ZFP92: variants seen among roughly 807,000 people sequenced by gnomAD.
The protein encoded by ZFP92 is ZFP92 zinc finger protein.
A neutral mutation model predicts 7.6 loss-of-function variants in ZFP92; 2 were observed. The observed-to-expected ratio is 0.26, with a 90% CI of 0.11 to 0.83. The LOEUF is 0.83. ZFP92 is among the 40% of genes least tolerant of loss of function. The pLI is 0.65. For missense variants in ZFP92, 324 were observed against 408.3 expected (o/e 0.79, Z 1.78); for synonymous variants, 226 against 183.6 (o/e 1.23, Z -1.87).
Position 153,419,494 on chromosome X carries a change from G to C in ZFP92, c.160+695G>C, listed in dbSNP as rs1057332800. 2.7e-5 allele frequency among the ~76,000 whole-genome samples: 3 copies of C among 112,858 alleles called. No individual in the cohort carries two copies. In the Admixed American group the frequency reaches 2.8e-4, roughly 11 times the overall value. On this transcript the variant is annotated intron_variant, in intron 4 of 5. Transcript: ENST00000338647. ...TGACTTGCCCCCACCTCACGCAGCT[G>C]ATGAGAGATGCATGCGTGAAACAGA...
chrX:153,418,806 G>A lies in ZFP92; in HGVS notation c.160+7G>A. ...AGCCATTTGGTGTCACTGGGTAAGT[G>A]ATCCCTCCACGACATACACACACCC... is the stretch of plus-strand genomic sequence containing the variant. On this transcript the variant is annotated splice_region_variant and intron_variant, in intron 4 of 5. Coordinates refer to ENST00000338647, the MANE Select transcript of ZFP92 (RefSeq NM_001136273.2). 8.6e-7 allele frequency: 1 copy of A among 1,166,643 alleles called. No individual in the cohort carries two copies. The highest frequency in any genetic ancestry group is 1.1e-6 in the Non-Finnish European group (1 of 872,661).
rs1253393800 is a variant in ZFP92 at position 153,418,869 on chromosome X, C to T, written c.160+70C>T. ...TCTGTCTCTGGGCTCAGTTTATTTC[C>T]GAGATTCCTGTTTGTCGGTTGCTAT... On this transcript the variant is annotated intron_variant, in intron 4 of 5. Transcript: ENST00000338647. 9.9e-6 allele frequency: 11 copies of T among 1,110,055 alleles called. No homozygotes were observed. In the South Asian group the frequency reaches 1.5e-4, roughly 15 times the overall value. The allele number at this position is 1,110,055 out of a possible 1,213,427, so 91.5% of individuals were successfully genotyped here.
chrX:153,419,695 G>A (rs1381857249), intron 4 of ZFP92, among the ~76,000 whole-genome samples: 1 of 112,458 alleles, frequency 8.9e-6, no homozygotes, highest in Non-Finnish European at 1.9e-5. Flanking sequence ...GGTTGTGGGA[G>A]TCTGACTCCA....
At chrX:153,412,803 C>A (rs1382692303) in intron 2 of ZFP92, among the ~76,000 whole-genome samples, 1 of 111,538 alleles carries the variant, frequency 9.0e-6, no homozygotes, top group Non-Finnish European at 1.9e-5. Context: ...ACGGGCATCC[C>A]AGGGATAACT....
intron 2 of ZFP92, among the ~76,000 whole-genome samples, chrX:153,416,861 G>A (rs1389363785): frequency 1.8e-5 from 2 of 111,831 alleles, no homozygotes; most frequent in African/African-American, 6.5e-5. Context: ...CAGGGTGGGA[G>A]TCTAAGGGGA....
intron 2 of ZFP92, among the ~76,000 whole-genome samples, chrX:153,414,276 G>A (rs1481268611): frequency 1.8e-5 from 2 of 112,235 alleles, no homozygotes; most frequent in Admixed American, 9.4e-5. Flanking sequence ...TGTGGCCTGC[G>A]GACATTAGAA....
Position 153,420,683 on chromosome X carries a change from G to T in ZFP92, c.306G>T (p.Lys102Asn). ...GCAAGACGTCGACTTCAACGCAGAAGCATTCTGGACGACAACTCCCCGGGG... is the reference window on the plus strand; with the variant it reads ...GCAAGACGTCGACTTCAACGCAGAATCATTCTGGACGACAACTCCCCGGGG... ...TQSKTSTSTQ[K>N]HSGRQLPGAD... Residue 102 changes from lysine (K) to asparagine (N), a missense_variant, in exon 6 of 6, where the codon AAG (lysine) becomes AAT (asparagine). Physicochemically the swap from Lys to Asn is moderately conservative, Grantham distance 94 (BLOSUM62 0). Coordinates refer to ENST00000338647, the MANE Select transcript of ZFP92 (RefSeq NM_001136273.2). 1 of 1,124,785 alleles carries T rather than the reference G, an allele frequency of 8.9e-7. No homozygotes were observed. Among genetic ancestry groups the T allele is most frequent in the South Asian group, 2.1e-5 (1 of 46,582 alleles). The allele number at this position is 1,124,785 out of a possible 1,213,427, so 92.7% of individuals were successfully genotyped here.
intron 2 of ZFP92, 66 bp from the exon 3 acceptor site, chrX:153,418,239 G>C: frequency 8.9e-7 from 1 of 1,118,882 alleles, no homozygotes; most frequent in Non-Finnish European, 1.2e-6. Context: ...GGGTCTTCAA[G>C]CAGGTCGCAG....
chrX:153,420,053 G>A (rs900385399), intron 4 of ZFP92, among the ~76,000 whole-genome samples, 175 bp from the exon 5 acceptor site: 1 of 112,484 alleles, frequency 8.9e-6, no homozygotes, highest in Non-Finnish European at 1.9e-5. Flanking sequence ...CCCTGGACGC[G>A]CAGGAGCCCT....
At position 153,421,455 on chromosome X, in the gene ZFP92, C is replaced by T; in HGVS notation, c.1078C>T (p.Arg360Cys). 1 of 1,149,198 alleles carries T rather than the reference C, an allele frequency of 8.7e-7. No homozygotes were observed. Among genetic ancestry groups the T allele is most frequent in the Non-Finnish European group, 1.2e-6 (1 of 869,254 alleles). The allele number at this position is 1,149,198 out of a possible 1,213,427, so 94.7% of individuals were successfully genotyped here. A position where few individuals can be genotyped will look rare whatever the true frequency, so the allele number is the denominator to read the frequency against. The change falls in exon 6 of 6, where the codon CGC becomes TGC. Residue 360 changes from arginine (R) to cysteine (C), a missense_variant. Coordinates refer to ENST00000338647, the MANE Select transcript of ZFP92 (RefSeq NM_001136273.2). ...CGACTGCGGCAAGGCCTTCGGCCGG[C>T]GCGCCAACCTATTCAAGCACCAGGC... ...CSDCGKAFGR[R>C]ANLFKHQAVH...
chrX:153,415,725 G>C (rs183704320), intron 2 of ZFP92, among the ~76,000 whole-genome samples: 24 of 110,624 alleles, frequency 2.2e-4, no homozygotes, highest in Non-Finnish European at 2.3e-4. Context: ...CCTTTTTTGT[G>C]TCAGCTTTTC....
intron 4 of ZFP92, 75 bp downstream of exon 4, chrX:153,418,874 T>C: frequency 9.0e-7 from 1 of 1,107,080 alleles, no homozygotes; most frequent in Non-Finnish European, 1.2e-6. Context: ...ATTTCCGAGA[T>C]TCCTGTTTGT....
In ZFP92 at chrX:153,421,225, A is replaced by G; in HGVS notation, c.848A>G (p.Gln283Arg). The G allele has an allele frequency of 3.4e-6, 4 of 1,184,334 alleles. No individual in the cohort carries two copies. Among genetic ancestry groups the G allele is most frequent in the Non-Finnish European group, 4.5e-6 (4 of 881,934 alleles). The change falls in exon 6 of 6, where the codon CAG becomes CGG. Residue 283 changes from glutamine (Q) to arginine (R), a missense_variant. Transcript: ENST00000338647. ...FSRSSNLIEH[Q>R]RTHRGEKPYA... ...CGCAGCTCCAACCTCATCGAGCACCAGCGCACGCACCGCGGCGAGAAGCCC... is the reference window on the plus strand; with the variant it reads ...CGCAGCTCCAACCTCATCGAGCACCGGCGCACGCACCGCGGCGAGAAGCCC...
rs1556975637 is a variant in ZFP92 at position 153,422,802 on chromosome X, T to C, written c.*1174T>C. The C allele has an allele frequency of 8.9e-6, 1 of 112,454 alleles. No individual in the cohort carries two copies. The highest frequency in any genetic ancestry group is 3.2e-5 in the African/African-American group (1 of 30,806). 9.3% of individuals were successfully genotyped at this position (112,454 alleles called of 1,213,427 possible). Reference sequence around the variant, plus strand: ...TTTTGTATTCAGGGGTAATGTATATTGAAAATAGAGATTTTGCCATATCAG... The same window carrying C: ...TTTTGTATTCAGGGGTAATGTATATCGAAAATAGAGATTTTGCCATATCAG... On this transcript the variant is annotated 3_prime_UTR_variant, in exon 6 of 6. Coordinates refer to ENST00000338647, the MANE Select transcript of ZFP92 (RefSeq NM_001136273.2).
chrX:153,417,029 G>A (rs1556973899), intron 2 of ZFP92, among the ~76,000 whole-genome samples: 2 of 111,117 alleles, frequency 1.8e-5, no homozygotes, highest in South Asian at 3.8e-4. Flanking sequence ...TCACCCCCAC[G>A]ACCCAAACAA....
chrX:153,420,090 T>A (rs2088985750), intron 4 of ZFP92, 138 bp from the exon 5 acceptor site: 2 of 484,885 alleles, frequency 4.1e-6, no homozygotes, highest in Non-Finnish European at 6.6e-6. Flanking sequence ...CTTGGCCCTT[T>A]CTCTGAGCCT....
chrX:153,423,844 C>T lies in ZFP92; in HGVS notation c.*2216C>T, dbSNP rs1399683824. The T allele has an allele frequency of 1.8e-5, 2 of 113,797 alleles. No individual in the cohort carries two copies. Among genetic ancestry groups the T allele is most frequent in the African/African-American group, 6.4e-5 (2 of 31,389 alleles). The allele number at this position is 113,797 out of a possible 1,213,427, so 9.4% of individuals were successfully genotyped here. A position where few individuals can be genotyped will look rare whatever the true frequency, so the allele number is the denominator to read the frequency against. ...AGTCTTTGCAAGGGCTGGCATGGGC[C>T]CAGAAATGCAATCCTCGTGCAGAGT... On this transcript the variant is annotated 3_prime_UTR_variant, in exon 6 of 6. Coordinates refer to ENST00000338647, the MANE Select transcript of ZFP92 (RefSeq NM_001136273.2).
In ZFP92 at chrX:153,420,773, G is replaced by A. The variant is rs2088992309; in HGVS notation, c.396G>A (p.Gln132=). ...CGTCTGTGCTCCAGAGAGGTGCCCA[G>A]GGCTTGGGGCAGAGTTCGGCTGCGG... ...ARSSVLQRGA[Q]GLGQSSAAGP... The change falls in exon 6 of 6, where the codon CAG becomes CAA. Residue 132 remains glutamine, a synonymous_variant. Transcript: ENST00000338647. The A allele has an allele frequency of 1.7e-6, 2 of 1,168,132 alleles. No homozygotes were observed. The highest frequency in any genetic ancestry group is 2.3e-6 in the Non-Finnish European group (2 of 872,864).
At chrX:153,417,729 G>T (rs1010492964) in intron 2 of ZFP92, among the ~76,000 whole-genome samples, 8 of 112,053 alleles carry the variant, frequency 7.1e-5, no homozygotes. Context: ...GAGTGTCCTG[G>T]GTTTGAATGG....
Sources: allele counts gnomAD v4.1 joint callset (sites outside exome capture counted in the v4.1 genomes callset), GRCh38; gene constraint gnomAD v4.1.1; transcripts MANE v1.5; gene names NCBI Gene and HGNC (gene_info 2026-07-23, HGNC 2026-07-21).